Variants in CDH13 observed in about 807,000 individuals in gnomAD.
CDH13 encodes cadherin 13.
Under a neutral mutation model 63.8 loss-of-function variants are expected in CDH13, and 24 were observed. That is an observed-to-expected ratio of 0.38 (90% CI 0.27 to 0.53). The LOEUF (loss-of-function observed/expected upper bound fraction) is 0.53. CDH13 is among the 20% of genes least tolerant of loss of function. The pLI is 0.85. For synonymous variants in CDH13, 503 were observed against 355.3 expected (o/e 1.42, Z -4.67); for missense variants, 1,049 against 903.1 (o/e 1.16, Z -2.07).
chr16:82,713,489 T>C (rs559197204), intron 1 of CDH13, among the ~76,000 whole-genome samples: 1 of 152,266 alleles, frequency 6.6e-6, no homozygotes, highest in Non-Finnish European at 1.5e-5. Context: ...GTGTCCCTTC[T>C]CTGTGCTTCC....
At chr16:82,835,627 G>A (rs2038735089) in intron 1 of CDH13, among the ~76,000 whole-genome samples, 1 of 152,144 alleles carries the variant, frequency 6.6e-6, no homozygotes, top group South Asian at 2.1e-4. Context: ...ACAGTCCTAT[G>A]CTCCCAGCTT....
chr16:83,435,223 T>C (rs889411200), intron 6 of CDH13, among the ~76,000 whole-genome samples: 2 of 152,000 alleles, frequency 1.3e-5, no homozygotes, highest in African/African-American at 4.8e-5. Flanking sequence ...ATTGTATTTT[T>C]AGCAGAAACG....
chr16:82,751,879 G>A, intron 1 of CDH13, among the ~76,000 whole-genome samples: 1 of 152,152 alleles, frequency 6.6e-6, no homozygotes, highest in East Asian at 1.9e-4. Context: ...GTGAGTATAA[G>A]GATGTCTGAA....
intron 3 of CDH13, among the ~76,000 whole-genome samples, chr16:83,114,372 A>G (rs780398280): frequency 2.4e-4 from 36 of 152,216 alleles, no homozygotes; most frequent in Admixed American, 8.5e-4. Flanking sequence ...ATTTCTAACA[A>G]TGACTTGCAC....
intron 3 of CDH13, among the ~76,000 whole-genome samples, chr16:83,084,918 G>A (rs975057172): frequency 5.9e-5 from 9 of 152,182 alleles, no homozygotes; most frequent in African/African-American, 1.9e-4. Flanking sequence ...GTAAGTAGAG[G>A]TGTTTTTCTT....
intron 5 of CDH13, among the ~76,000 whole-genome samples, chr16:83,270,431 C>T (rs189789614): frequency 2.6e-5 from 4 of 152,280 alleles, no homozygotes; most frequent in East Asian, 1.9e-4. Context: ...ACCATTGCTG[C>T]ACAATAGGAA....
chr16:83,388,206 C>T (rs1011726809), intron 6 of CDH13, among the ~76,000 whole-genome samples: 1 of 150,572 alleles, frequency 6.6e-6, no homozygotes, highest in Non-Finnish European at 1.5e-5. Flanking sequence ...GTGATCTCAG[C>T]ACTTTGGGAG....
intron 5 of CDH13, among the ~76,000 whole-genome samples, chr16:83,309,795 A>G (rs1222117188): frequency 6.6e-6 from 1 of 151,910 alleles, no homozygotes; most frequent in African/African-American, 2.4e-5. Context: ...TTCGCTTGCT[A>G]TAACTCCCAT....
chr16:82,727,286 G>C (rs992250308), intron 1 of CDH13, among the ~76,000 whole-genome samples: 4 of 152,180 alleles, frequency 2.6e-5, no homozygotes, highest in Non-Finnish European at 5.9e-5. Flanking sequence ...GGTTGCAGTT[G>C]TAAAATGTGC....
intron 7 of CDH13, among the ~76,000 whole-genome samples, chr16:83,492,899 A>G (rs1330804571): frequency 1.3e-5 from 2 of 152,336 alleles, no homozygotes; most frequent in African/African-American, 2.4e-5. Flanking sequence ...AGTGTGACCT[A>G]TCAATCCATT....
intron 7 of CDH13, among the ~76,000 whole-genome samples, chr16:83,542,350 T>A (rs188682423): frequency 1.3e-5 from 2 of 152,262 alleles, no homozygotes; most frequent in Non-Finnish European, 2.9e-5. Context: ...TCTCAGTAGT[T>A]CTCAAACACT....
chr16:83,635,907 C>T (rs1006166649), intron 8 of CDH13, among the ~76,000 whole-genome samples: 11 of 152,138 alleles, frequency 7.2e-5, no homozygotes, highest in African/African-American at 2.7e-4. Flanking sequence ...ATTTTATCCT[C>T]TGTTTTCTTC....
intron 10 of CDH13, among the ~76,000 whole-genome samples, chr16:83,692,441 G>A (rs1253724964): frequency 6.6e-6 from 1 of 152,208 alleles, no homozygotes; most frequent in Non-Finnish European, 1.5e-5. Context: ...GGCTTTGCCT[G>A]CTGGACATCC....
chr16:83,367,419 A>G (rs1408341542), intron 6 of CDH13, among the ~76,000 whole-genome samples: 2 of 152,180 alleles, frequency 1.3e-5, no homozygotes, highest in Non-Finnish European at 2.9e-5. Context: ...GGTTGTTACT[A>G]CTTTTTGGCT....
intron 11 of CDH13, among the ~76,000 whole-genome samples, chr16:83,752,457 T>C (rs1913165630): frequency 6.6e-6 from 1 of 152,236 alleles, no homozygotes; most frequent in Admixed American, 6.5e-5. Context: ...TAGGATAGCA[T>C]TTTTCTACCT....
rs533076108 is a variant in CDH13, at chr16:83,539,196, T to C, written c.960+52541T>C. Among the ~76,000 whole-genome samples, 14 of 152,284 alleles carry C rather than the reference T, an allele frequency of 9.2e-5. No individual in the cohort carries two copies. In the South Asian group the frequency reaches 2.5e-3, roughly 27 times the overall value. ...TTTTTCTGTGGGCAAGGGTGGGGGA[T>C]GGTTTCAGGATGAAACTATTGCACC... On this transcript the variant is annotated intron_variant, in intron 7 of 13. Coordinates refer to ENST00000567109, the MANE Select transcript of CDH13 (RefSeq NM_001257.5).
At chr16:83,138,686 A>G (rs1007964536) in intron 4 of CDH13, among the ~76,000 whole-genome samples, 1 of 152,222 alleles carries the variant, frequency 6.6e-6, no homozygotes, top group African/African-American at 2.4e-5. Context: ...TAAGTGTTAT[A>G]CATTGGGGAA....
intron 7 of CDH13, 25 bp downstream of exon 7, chr16:83,486,680 T>C (rs2073898502): frequency 1.2e-6 from 2 of 1,607,392 alleles, no homozygotes; most frequent in Non-Finnish European, 8.5e-7. Context: ...ATACACTTTC[T>C]TTTTCACGAG....
chr16:82,816,332 C>T (rs1324703956), intron 1 of CDH13, among the ~76,000 whole-genome samples: 1 of 152,072 alleles, frequency 6.6e-6, no homozygotes, highest in African/African-American at 2.4e-5. Context: ...AGTGGTGATA[C>T]AGCAGTGGAC....
Sources: allele counts gnomAD v4.1 joint callset (sites outside exome capture counted in the v4.1 genomes callset), GRCh38; gene constraint gnomAD v4.1.1; transcripts MANE v1.5; gene names NCBI Gene and HGNC (gene_info 2026-07-23, HGNC 2026-07-21).